The following RERG variants were observed in gnomAD, a reference collection of about 807,000 sequenced individuals.
RERG encodes the protein ras-related and estrogen-regulated growth inhibitor.
Under a neutral mutation model 23.2 loss-of-function variants are expected in RERG, and 25 were observed. The ratio of observed to expected loss-of-function variants is 1.08; its 90% CI spans 0.79 to 1.50. RERG has a LOEUF of 1.50. RERG is among the 40% of genes most tolerant of loss of function. The pLI is 0.00. For missense variants in RERG, 253 were observed against 250.1 expected (o/e 1.01, Z -0.08); for synonymous variants, 81 against 89.1 (o/e 0.91, Z 0.51).
chr12:15,132,211 A>G (rs941300564), intron 2 of RERG, among the ~76,000 whole-genome samples: 2 of 152,212 alleles, frequency 1.3e-5, no homozygotes, highest in African/African-American at 2.4e-5. Context: ...TTCCAGTACT[A>G]CAAAGGGAAA....
At chr12:15,177,456 G>GA (rs202101003) in intron 2 of RERG, among the ~76,000 whole-genome samples, 4 of 149,622 alleles carry the variant, frequency 2.7e-5, no homozygotes, top group Non-Finnish European at 4.5e-5. Flanking sequence ...CTGCCTCAAA[G>GA]AAAAAAAAAA....
At chr12:15,186,372 C>T (rs1252090321) in intron 2 of RERG, among the ~76,000 whole-genome samples, 4 of 151,898 alleles carry the variant, frequency 2.6e-5, no homozygotes, top group Admixed American at 6.6e-5. Flanking sequence ...AAAGATTAAC[C>T]TTTGCAGGAA....
At chr12:15,112,271 G>C (rs1014528637) in intron 3 of RERG, 10 of 152,268 alleles carry the variant, frequency 6.6e-5, no homozygotes, top group Non-Finnish European at 1.3e-4. Context: ...AACTCTAGGG[G>C]TAGTAAAAGG....
At chr12:15,151,316 T>C (rs1039166527) in intron 2 of RERG, among the ~76,000 whole-genome samples, 3 of 152,210 alleles carry the variant, frequency 2.0e-5, no homozygotes, top group African/African-American at 7.2e-5. Context: ...TCTCCTTTGT[T>C]TCTTAGAAGC....
intron 2 of RERG, among the ~76,000 whole-genome samples, chr12:15,152,970 A>C (rs186597949): frequency 6.6e-6 from 1 of 152,308 alleles, no homozygotes; most frequent in Non-Finnish European, 1.5e-5. Context: ...ATGTGCAGAC[A>C]AGTATTTACT....
intron 2 of RERG, among the ~76,000 whole-genome samples, chr12:15,209,987 G>T (rs1312758439): frequency 6.6e-6 from 1 of 152,076 alleles, no homozygotes; most frequent in African/African-American, 2.4e-5. Flanking sequence ...ATTTCAGACT[G>T]CCCTGCCTTT....
intron 2 of RERG, 130 bp downstream of exon 2, chr12:15,217,299 T>C: frequency 2.9e-6 from 2 of 681,216 alleles, no homozygotes; most frequent in Admixed American, 4.9e-5. Context: ...TGAAGAGACT[T>C]TATCTAAAAG....
chr12:15,110,842 C>T lies in RERG; in HGVS notation c.192+502G>A, dbSNP rs112204115. On this transcript the variant is annotated intron_variant, in intron 4 of 4. Coordinates refer to ENST00000256953, the MANE Select transcript of RERG (RefSeq NM_032918.3). ...AACCCTTTTTAATCTCAGAAGTGAC[C>T]GACCTAATACCAAATATTACAAGAA... The T allele has an allele frequency of 9.3e-3, 1,411 of 152,186 alleles. 25 individuals carry two copies. The highest frequency in any genetic ancestry group is 0.054 in the South Asian group (260 of 4,818). 9.4% of individuals were successfully genotyped at this position (152,186 alleles called of 1,614,324 possible).
intron 3 of RERG, 64 bp from the exon 4 acceptor site, chr12:15,111,481 T>C (rs1863616211): frequency 7.5e-7 from 1 of 1,333,808 alleles, no homozygotes; most frequent in Non-Finnish European, 1.1e-6. Context: ...ATTTGATCCT[T>C]AAAACTGAAA....
intron 2 of RERG, among the ~76,000 whole-genome samples, chr12:15,122,278 G>C (rs1863846463): frequency 6.6e-6 from 1 of 152,116 alleles, no homozygotes; most frequent in South Asian, 2.1e-4. Flanking sequence ...GAAATGCCCT[G>C]AATGTAGCAG....
At chr12:15,216,611 T>C (rs1865443828) in intron 2 of RERG, among the ~76,000 whole-genome samples, 1 of 152,204 alleles carries the variant, frequency 6.6e-6, no homozygotes, top group African/African-American at 2.4e-5. Flanking sequence ...AAAAGCTCTG[T>C]GTACAGTTAA....
chr12:15,181,405 T>C (rs1461420177), intron 2 of RERG, among the ~76,000 whole-genome samples: 2 of 152,238 alleles, frequency 1.3e-5, no homozygotes, highest in Non-Finnish European at 2.9e-5. Flanking sequence ...TCATCAAGAT[T>C]GCTAATGGCT....
At chr12:15,201,683 A>C (rs1425105788) in intron 2 of RERG, among the ~76,000 whole-genome samples, 1 of 142,878 alleles carries the variant, frequency 7.0e-6, no homozygotes, top group Non-Finnish European at 1.6e-5. Flanking sequence ...ATTAACAATC[A>C]TAATAATTAG....
intron 3 of RERG, among the ~76,000 whole-genome samples, chr12:15,113,295 A>G (rs1863657854): frequency 6.6e-6 from 1 of 152,036 alleles, no homozygotes; most frequent in South Asian, 2.1e-4. Flanking sequence ...ATAATATAAG[A>G]AAAGAAATAA....
intron 2 of RERG, among the ~76,000 whole-genome samples, chr12:15,209,131 A>T (rs1291473205): frequency 6.6e-6 from 1 of 152,230 alleles, no homozygotes; most frequent in Admixed American, 6.5e-5. Context: ...AGTAGCGGAC[A>T]GCCAGAGAAT....
intron 2 of RERG, among the ~76,000 whole-genome samples, chr12:15,125,768 A>G (rs1165290949): frequency 6.6e-6 from 1 of 152,026 alleles, no homozygotes; most frequent in African/African-American, 2.4e-5. Context: ...ATTATAATGG[A>G]AAAAGTTTAA....
At chr12:15,197,739 G>A (rs1865163831) in intron 2 of RERG, among the ~76,000 whole-genome samples, 1 of 152,152 alleles carries the variant, frequency 6.6e-6, no homozygotes. Context: ...TTAGGAATGT[G>A]AGCCTTGCAC....
intron 2 of RERG, among the ~76,000 whole-genome samples, chr12:15,195,598 T>TGC (rs1226951780): frequency 6.8e-6 from 1 of 147,652 alleles, no homozygotes; most frequent in African/African-American, 2.5e-5. Context: ...TGTGTGTGTG[T>TGC]GTGCATGTGT....
chr12:15,171,124 A>C (rs995733875), intron 2 of RERG, among the ~76,000 whole-genome samples: 2 of 152,212 alleles, frequency 1.3e-5, no homozygotes, highest in Admixed American at 1.3e-4. Context: ...TTCCTTCAGG[A>C]TGCACCCATG....
Sources: allele counts gnomAD v4.1 joint callset (sites outside exome capture counted in the v4.1 genomes callset), GRCh38; gene constraint gnomAD v4.1.1; transcripts MANE v1.5; gene names NCBI Gene and HGNC (gene_info 2026-07-23, HGNC 2026-07-21).